TUBGCP2: variants seen among roughly 807,000 people sequenced by gnomAD.
TUBGCP2 encodes gamma-tubulin complex component 2.
TUBGCP2 carries 55 observed loss-of-function variants against 92.2 expected under a neutral mutation model. The observed-to-expected ratio is 0.60, with a 90% CI of 0.48 to 0.75. The LOEUF (loss-of-function observed/expected upper bound fraction) is 0.75. Ranked by LOEUF, TUBGCP2 falls within the 30% of genes least tolerant of loss-of-function variation. TUBGCP2 has a pLI of 0.00. For missense variants in TUBGCP2, 1,093 were observed against 1,188.9 expected, an observed-to-expected ratio of 0.92 and a Z score of 1.19; for synonymous variants, 533 against 505.2, an observed-to-expected ratio of 1.06 and a Z score of -0.74.
At position 133,297,942 on chromosome 10, in the gene TUBGCP2, C is replaced by A; in HGVS notation, c.616+10G>T. The A allele has an allele frequency of 6.2e-7, 1 of 1,612,434 alleles. No individual in the cohort carries two copies. ...TATCGGCAGAGCCCGGAAATCAACG[C>A]ATCACGTACCTATCGGCAAAGCGGT... On this transcript the variant is annotated intron_variant, in intron 5 of 17. Coordinates refer to ENST00000252936, the MANE Select transcript of TUBGCP2 (RefSeq NM_006659.4).
At chr10:133,279,954 C>G in intron 17 of TUBGCP2, 53 bp from the exon 18 acceptor site, 1 of 1,584,630 alleles carries the variant, frequency 6.3e-7, no homozygotes, top group East Asian at 2.3e-5. Flanking sequence ...CGGGTGCATG[C>G]TGGGCAGCAG....
At chr10:133,293,794 C>T in intron 5 of TUBGCP2, 25 bp from the exon 6 acceptor site, 1 of 1,559,392 alleles carries the variant, frequency 6.4e-7, no homozygotes, top group South Asian at 1.2e-5. Context: ...AGCGCTGTGG[C>T]TCTGCAGCCC....
At chr10:133,302,615 G>C (rs1169278034) in intron 2 of TUBGCP2, 177 bp downstream of exon 2, 1 of 698,036 alleles carries the variant, frequency 1.4e-6, no homozygotes, top group South Asian at 1.9e-5. Context: ...CCTGCACCCT[G>C]ACCCAGGGGT....
At chr10:133,289,133 G>T in intron 9 of TUBGCP2, 113 bp from the exon 10 acceptor site, 1 of 1,202,534 alleles carries the variant, frequency 8.3e-7, no homozygotes, top group Non-Finnish European at 1.2e-6. Flanking sequence ...TCTCCACACG[G>T]TCAGTCTGAG....
intron 15 of TUBGCP2, 85 bp downstream of exon 15, chr10:133,282,993 T>C (rs1352334425): frequency 6.4e-7 from 1 of 1,550,904 alleles, no homozygotes; most frequent in African/African-American, 1.4e-5. Flanking sequence ...CAGGAAAACG[T>C]GAGCAGGCTG....
intron 1 of TUBGCP2, among the ~76,000 whole-genome samples, chr10:133,307,337 C>T (rs552008341): frequency 1.2e-4 from 19 of 152,210 alleles, no homozygotes; most frequent in Non-Finnish European, 2.1e-4. Context: ...CACTCCACCA[C>T]GGACAAGCGG....
At chr10:133,299,231 A>C (rs1847568622) in intron 4 of TUBGCP2, among the ~76,000 whole-genome samples, 196 bp downstream of exon 4, 2 of 152,152 alleles carry the variant, frequency 1.3e-5, no homozygotes, top group African/African-American at 4.8e-5. Flanking sequence ...GTTAAAAAAA[A>C]AACTAAACAT....
chr10:133,287,741 C>CAAA (rs755545622), intron 11 of TUBGCP2, among the ~76,000 whole-genome samples: 36 of 127,728 alleles, frequency 2.8e-4, no homozygotes, highest in African/African-American at 1.0e-3. Context: ...AACTCCGTCT[C>CAAA]AAAAAAAAAA....
intron 1 of TUBGCP2, among the ~76,000 whole-genome samples, chr10:133,307,314 T>G (rs1847847564): frequency 6.6e-6 from 1 of 152,086 alleles, no homozygotes; most frequent in African/African-American, 2.4e-5. Context: ...AGGGAAGCAA[T>G]GCACGCATGT....
At chr10:133,283,050 C>T in intron 15 of TUBGCP2, 28 bp downstream of exon 15, 1 of 1,612,816 alleles carries the variant, frequency 6.2e-7, no homozygotes, top group East Asian at 2.2e-5. Context: ...CGCCTGCCCA[C>T]CCGATGGTGC....
chr10:133,301,059 T>C (rs1329112211), intron 2 of TUBGCP2, among the ~76,000 whole-genome samples: 1 of 152,214 alleles, frequency 6.6e-6, no homozygotes, highest in African/African-American at 2.4e-5. Context: ...TTCCCCGCAG[T>C]AGTTTATGCG....
intron 5 of TUBGCP2, among the ~76,000 whole-genome samples, chr10:133,294,628 T>A (rs551582614): frequency 6.6e-6 from 1 of 152,128 alleles, no homozygotes; most frequent in Non-Finnish European, 1.5e-5. Flanking sequence ...TTCCTTTTTT[T>A]ATTTTTGAGA....
In TUBGCP2 at chr10:133,289,920, C is replaced by G; in HGVS notation, c.1264G>C (p.Asp422His). 1 of 1,614,254 alleles carries G rather than the reference C, an allele frequency of 6.2e-7. No homozygotes were observed. Among genetic ancestry groups the G allele is most frequent in the Non-Finnish European group, 8.5e-7 (1 of 1,180,048 alleles). ...HELRKERIQE[D>H]YNDKYWDQRY... is the part of the protein sequence containing the mutation. ...TGGTCCCAGTACTTGTCGTTGTAAT[C>G]CTCCTGGATCCTCTCCTTCCGCAGC... is the stretch of plus-strand genomic sequence containing the variant. Residue 422 changes from aspartate to histidine, a missense_variant, in exon 9 of 18, where the codon GAT becomes CAT. Coordinates refer to ENST00000252936, the MANE Select transcript of TUBGCP2 (RefSeq NM_006659.4).
At chr10:133,282,184 G>A (rs368581122) in intron 16 of TUBGCP2, 39 bp downstream of exon 16, 103 of 1,610,220 alleles carry the variant, frequency 6.4e-5, no homozygotes, top group African/African-American at 1.3e-4. Context: ...CCAGCCGGGA[G>A]GAAGCGTCTC....
At chr10:133,301,077 T>C (rs551956265) in intron 2 of TUBGCP2, among the ~76,000 whole-genome samples, 77 of 152,372 alleles carry the variant, frequency 5.1e-4, no homozygotes, top group African/African-American at 1.8e-3. Context: ...GCGTTCATTG[T>C]ATACACCTCA....
In TUBGCP2 at chr10:133,294,701, G is replaced by C. The variant is rs550301832; in HGVS notation, c.617-932C>G. 2.6e-5 allele frequency among the ~76,000 whole-genome samples: 4 copies of C among 151,650 alleles called. No homozygotes were observed. The East Asian group carries it at 7.8e-4, about 29-fold the overall frequency. ...TGCAATCTCAGCTCACTGCAGCCTT[G>C]AGCACCCAGGCTCAAGCGATCCTGT... On this transcript the variant is annotated intron_variant, in intron 5 of 17. Transcript: ENST00000252936.
At position 133,293,019 on chromosome 10, in the gene TUBGCP2, C is replaced by A. The variant is rs568120541; in HGVS notation, c.1024+20G>T. On this transcript the variant is annotated intron_variant, in intron 7 of 17. Transcript: ENST00000252936. ...ACCTGCCACCCACCACTGCCCCATG[C>A]CCCCCGGGCGGGCACGCACCGAGGG... 2.9e-5 allele frequency: 47 copies of A among 1,609,240 alleles called. 1 individual carries two copies. The South Asian group carries it at 5.1e-4, about 17-fold the overall frequency.
upstream of TUBGCP2, chr10:133,309,870 G>C (rs137889151): frequency 6.2e-7 from 1 of 1,613,846 alleles, no homozygotes; most frequent in African/African-American, 1.3e-5. Flanking sequence ...GCACGGAAAT[G>C]TTTGCTCCTT....
chr10:133,306,343 C>A lies in TUBGCP2; in HGVS notation c.-40+2480G>T, dbSNP rs1382416049. 2.6e-5 allele frequency among the ~76,000 whole-genome samples: 4 copies of A among 152,194 alleles called. No homozygotes were observed. The East Asian group carries it at 7.7e-4, about 29-fold the overall frequency. On this transcript the variant is annotated intron_variant, in intron 1 of 17. Coordinates refer to ENST00000252936, the MANE Select transcript of TUBGCP2 (RefSeq NM_006659.4). ...CACATTCTACTCGGCTCCCCGAGGA[C>A]TGCAGGTTGTCCTATAACTGCTGGT...
Sources: gnomAD v4.1 joint callset for allele counts (sites outside exome capture counted in the v4.1 genomes callset) on GRCh38, gnomAD v4.1.1 for gene constraint, MANE v1.5 for transcripts, NCBI Gene and HGNC (gene_info 2026-07-23, HGNC 2026-07-21) for gene names.